Variants in CPNE1 observed in about 807,000 individuals in gnomAD.
CPNE1 encodes the protein copine-1.
In CPNE1, 58 loss-of-function variants were observed where a neutral mutation model predicts 63.2. That is an observed-to-expected ratio of 0.92 (90% CI 0.74 to 1.14). The LOEUF is 1.14. CPNE1 is among the 50% of genes most tolerant of loss of function. The pLI is 0.00. For synonymous variants in CPNE1, 237 were observed against 249.0 expected, an observed-to-expected ratio of 0.95 and a Z score of 0.45; for missense variants, 672 against 661.7, an observed-to-expected ratio of 1.02 and a Z score of -0.17.
intron 1 of CPNE1, among the ~76,000 whole-genome samples, chr20:35,660,599 T>C (rs1342329301): frequency 6.6e-6 from 1 of 152,100 alleles, no homozygotes; most frequent in Non-Finnish European, 1.5e-5. Flanking sequence ...CAAAGGAAAA[T>C]GTGAAACAGA....
chr20:35,642,539 TGAAAA>T (rs1156706124), intron 1 of CPNE1, among the ~76,000 whole-genome samples: 1 of 152,218 alleles, frequency 6.6e-6, no homozygotes, highest in Non-Finnish European at 1.5e-5. Context: ...CCCGTAAGAC[TGAAAA>T]GACAAACTAC....
At chr20:35,649,338 C>T (rs951963781) in intron 1 of CPNE1, 1 of 152,210 alleles carries the variant, frequency 6.6e-6, no homozygotes, top group Admixed American at 6.5e-5. Flanking sequence ...GAATTTAAGG[C>T]TTTCACGCAT....
At chr20:35,630,383 A>C (rs1479801307) in intron 13 of CPNE1, 56 bp downstream of exon 13, 3 of 1,426,840 alleles carry the variant, frequency 2.1e-6, no homozygotes, top group Non-Finnish European at 3.0e-6. Flanking sequence ...TTACTCATGC[A>C]GGCTTGCCCC....
At chr20:35,626,886 A>AT in intron 14 of CPNE1, 83 bp from the exon 15 acceptor site, 1 of 1,128,208 alleles carries the variant, frequency 8.9e-7, no homozygotes, top group Non-Finnish European at 1.3e-6. Flanking sequence ...CCCCACACTC[A>AT]TAAGAAGTCC....
chr20:35,634,841 C>G (rs995881192), intron 1 of CPNE1, among the ~76,000 whole-genome samples: 1 of 151,716 alleles, frequency 6.6e-6, no homozygotes, highest in Admixed American at 6.6e-5. Context: ...TGGGTTCAAG[C>G]GATCCCTCCC....
At position 35,626,404 on chromosome 20, in the gene CPNE1, A is replaced by C. The variant is rs772860543; in HGVS notation, c.1474-23T>G. On this transcript the variant is annotated intron_variant, in intron 15 of 15. Coordinates refer to ENST00000397443, the MANE Select transcript of CPNE1 (RefSeq NM_152925.3). ...GGCCTGCCAAGAAAAGGGAAAAGTC[A>C]GTGGTGGCCCAGAACAGCTGCCCAA... 6 of 1,613,012 alleles carry C rather than the reference A, an allele frequency of 3.7e-6. No individual in the cohort carries two copies. The South Asian group carries it at 6.6e-5, about 18-fold the overall frequency.
intron 2 of CPNE1, 41 bp from the exon 3 acceptor site, chr20:35,632,737 A>G (rs1232857919): frequency 1.1e-6 from 1 of 877,134 alleles, no homozygotes; most frequent in South Asian, 1.3e-5. Context: ...CACAGCCTCC[A>G]CCCCAAAACA....
intron 13 of CPNE1, among the ~76,000 whole-genome samples, chr20:35,628,418 T>C (rs6060517): frequency 0.068 from 10,349 of 152,148 alleles, 436 homozygotes; most frequent in South Asian, 0.18. Flanking sequence ...AGTACTTGTA[T>C]AGTGGAGAAA....
chr20:35,655,001 G>A (rs749534057), intron 1 of CPNE1: 1 of 1,614,168 alleles, frequency 6.2e-7, no homozygotes, highest in Non-Finnish European at 8.5e-7. Flanking sequence ...GAGCTAGGTG[G>A]TGGTCCTGAT....
intron 1 of CPNE1, chr20:35,654,841 T>C: frequency 4.3e-6 from 7 of 1,614,146 alleles, no homozygotes; most frequent in Non-Finnish European, 5.9e-6. Flanking sequence ...AGCCCCCATA[T>C]TTGGAGGAGC....
Position 35,626,325 on chromosome 20 carries a change from G to T in CPNE1, c.1530C>A (p.Val510=). 6.2e-7 allele frequency: 1 copy of T among 1,614,048 alleles called. No individual in the cohort carries two copies. Among genetic ancestry groups the T allele is most frequent in the South Asian group, 1.1e-5 (1 of 91,072 alleles). ...CCCAACCCTGGGCCCTGAAGTATGA[G>T]ACCAGTTGTGTGGGCACTTCTGCGA... ...TVLAEVPTQL[V]SYFRAQGWAP... is the part of the protein sequence containing the mutation. The change falls in exon 16 of 16, where the codon GTC becomes GTA. Residue 510 remains valine, a synonymous_variant. Coordinates refer to ENST00000397443, the MANE Select transcript of CPNE1 (RefSeq NM_152925.3).
At chr20:35,644,348 C>A (rs1479661840) in intron 1 of CPNE1, among the ~76,000 whole-genome samples, 1 of 152,200 alleles carries the variant, frequency 6.6e-6, no homozygotes, top group African/African-American at 2.4e-5. Flanking sequence ...GATGAAGACT[C>A]TTCCCCTTTG....
chr20:35,652,510 AATG>A (rs2033591218), intron 1 of CPNE1: 3 of 1,599,316 alleles, frequency 1.9e-6, no homozygotes, highest in Admixed American at 3.6e-5. Context: ...CCCTATAAAA[AATG>A]ATGTGAATGG....
chr20:35,657,465 TGA>T (rs553443083), intron 1 of CPNE1, among the ~76,000 whole-genome samples: 4 of 151,030 alleles, frequency 2.6e-5, no homozygotes, highest in Non-Finnish European at 4.4e-5. Flanking sequence ...CAAAACAACT[TGA>T]GAGAGAGAGA....
chr20:35,654,729 A>G, intron 1 of CPNE1: 1 of 1,613,430 alleles, frequency 6.2e-7, no homozygotes. Flanking sequence ...TTGGTGGCAG[A>G]GATGGCATCG....
intron 1 of CPNE1, among the ~76,000 whole-genome samples, chr20:35,636,622 C>A (rs1400138839): frequency 1.3e-5 from 2 of 152,102 alleles, no homozygotes; most frequent in South Asian, 2.1e-4. Context: ...CGTGGTGAAA[C>A]CCAGTCTCTA....
At chr20:35,647,017 A>T (rs553427473) in intron 1 of CPNE1, among the ~76,000 whole-genome samples, 340 of 150,328 alleles carry the variant, frequency 2.3e-3, no homozygotes, top group Non-Finnish European at 3.8e-3. Flanking sequence ...CATTTTAATT[A>T]AAAAAAAATA....
intron 1 of CPNE1, among the ~76,000 whole-genome samples, chr20:35,639,304 C>T (rs7263858): frequency 2.6e-4 from 39 of 152,146 alleles, no homozygotes; most frequent in African/African-American, 9.4e-4. Flanking sequence ...AACTTTGCTA[C>T]ATGTTGAAAA....
intron 1 of CPNE1, among the ~76,000 whole-genome samples, chr20:35,634,916 T>C (rs1474510757): frequency 2.7e-5 from 4 of 149,318 alleles, no homozygotes; most frequent in African/African-American, 9.9e-5. Flanking sequence ...TTTTTTTTTT[T>C]TTTTTTTTGT....
Sources: gnomAD v4.1 joint callset for allele counts (sites outside exome capture counted in the v4.1 genomes callset) on GRCh38, gnomAD v4.1.1 for gene constraint, MANE v1.5 for transcripts, NCBI Gene and HGNC (gene_info 2026-07-23, HGNC 2026-07-21) for gene names.